Variants in TMTC2 observed in about 807,000 individuals in gnomAD.
TMTC2 encodes transmembrane O-mannosyltransferase targeting cadherins 2, also known as protein O-mannosyl-transferase TMTC2.
Under a neutral mutation model 82.4 loss-of-function variants are expected in TMTC2, and 43 were observed. The ratio of observed to expected loss-of-function variants is 0.52; its 90% CI spans 0.41 to 0.67. The LOEUF is 0.67. Among genes scored for constraint, TMTC2 ranks in the 30% least tolerant of loss-of-function variants. TMTC2 has a pLI of 0.00. For synonymous variants in TMTC2, 408 were observed against 381.9 expected (o/e 1.07, Z -0.80); for missense variants, 919 against 1,012.4 (o/e 0.91, Z 1.25).
At chr12:83,081,885 A>C (rs554254284) in intron 11 of TMTC2, among the ~76,000 whole-genome samples, 1 of 152,262 alleles carries the variant, frequency 6.6e-6, no homozygotes, top group East Asian at 1.9e-4. Context: ...CAAAAAATAA[A>C]AAAAATAGCC....
chr12:82,719,059 T>TTTTATATATATATATATATATA (rs1874040088), intron 1 of TMTC2, among the ~76,000 whole-genome samples: 2 of 94,466 alleles, frequency 2.1e-5, no homozygotes, highest in East Asian at 3.5e-4. Flanking sequence ...TTAGATGATT[T>TTTTATATATATATATATATATA]TATATATATA....
Position 82,993,974 on chromosome 12 carries a change from G to A in TMTC2, c.2070+7928G>A, listed in dbSNP as rs374339659. ...TAGGCTGAATGCTTGCAGACAGGATGCTTGGGTCCAGGGGGTGCTGTGAGC... is the reference window on the plus strand; with the variant it reads ...TAGGCTGAATGCTTGCAGACAGGATACTTGGGTCCAGGGGGTGCTGTGAGC... On this transcript the variant is annotated intron_variant, in intron 8 of 11. Coordinates refer to ENST00000321196, the MANE Select transcript of TMTC2 (RefSeq NM_152588.3). 8.5e-5 allele frequency among the ~76,000 whole-genome samples: 13 copies of A among 152,212 alleles called. No homozygotes were observed. In the East Asian group the frequency reaches 1.9e-3, roughly 23 times the overall value.
At position 82,965,131 on chromosome 12, in the gene TMTC2, AT is replaced by A. The variant is rs561223773; in HGVS notation, c.1684+29del. On this transcript the variant is annotated intron_variant, in intron 5 of 11. Coordinates refer to ENST00000321196, the MANE Select transcript of TMTC2 (RefSeq NM_152588.3). The stretch of plus-strand genomic sequence containing the variant: ...GCTTGTAAGTAATACTCAAGTGTTT[AT>A]TTTTTTATACCTCTTTCCATATTTG... 5.4e-4 allele frequency: 827 copies of A among 1,528,146 alleles called. 3 individuals carry two copies. Among genetic ancestry groups the A allele is most frequent in the Non-Finnish European group, 6.4e-4 (706 of 1,111,716 alleles). The allele number at this position is 1,528,146 out of a possible 1,614,324, so 94.7% of individuals were successfully genotyped here. A position where few individuals can be genotyped will look rare whatever the true frequency, so the allele number is the denominator to read the frequency against.
intron 11 of TMTC2, among the ~76,000 whole-genome samples, chr12:83,112,713 C>T (rs560495005): frequency 6.6e-6 from 1 of 152,290 alleles, no homozygotes; most frequent in Admixed American, 6.5e-5. Context: ...AAGATGTCCC[C>T]TTGTACTTCT....
intron 7 of TMTC2, among the ~76,000 whole-genome samples, chr12:82,980,265 A>G (rs1005989646): frequency 6.6e-6 from 1 of 151,878 alleles, no homozygotes. Context: ...AAGGGAACTT[A>G]TCATAGCAAA....
intron 1 of TMTC2, among the ~76,000 whole-genome samples, chr12:82,696,958 A>T (rs1380586899): frequency 1.3e-5 from 2 of 148,652 alleles, no homozygotes; most frequent in Non-Finnish European, 3.0e-5. Context: ...CTACATACAT[A>T]CATACGTATA....
intron 2 of TMTC2, among the ~76,000 whole-genome samples, chr12:82,886,714 T>A (rs1873118771): frequency 6.6e-6 from 1 of 152,206 alleles, no homozygotes; most frequent in Admixed American, 6.5e-5. Flanking sequence ...TTTCTAATCT[T>A]ACAGACAGGA....
chr12:82,706,851 G>T (rs115271804), intron 1 of TMTC2, among the ~76,000 whole-genome samples: 1 of 152,070 alleles, frequency 6.6e-6, no homozygotes, highest in East Asian at 1.9e-4. Context: ...ATGGAAAGAC[G>T]TGCCTACTTT....
intron 1 of TMTC2, among the ~76,000 whole-genome samples, chr12:82,723,982 T>A (rs1388957364): frequency 2.0e-5 from 3 of 152,210 alleles, no homozygotes; most frequent in Non-Finnish European, 2.9e-5. Context: ...GATAAACCAC[T>A]TAATTTTTCT....
chr12:82,695,460 C>A (rs1252243321), intron 1 of TMTC2, among the ~76,000 whole-genome samples: 1 of 152,140 alleles, frequency 6.6e-6, no homozygotes, highest in Non-Finnish European at 1.5e-5. Flanking sequence ...TTATTGAGTT[C>A]TATTGTAAAC....
intron 4 of TMTC2, among the ~76,000 whole-genome samples, chr12:82,944,649 G>A (rs918881488): frequency 6.6e-6 from 1 of 151,978 alleles, no homozygotes; most frequent in Non-Finnish European, 1.5e-5. Flanking sequence ...ACTAAGTTGT[G>A]TGATGTCATT....
chr12:82,747,271 A>C (rs1434178832), intron 1 of TMTC2, among the ~76,000 whole-genome samples: 1 of 152,254 alleles, frequency 6.6e-6, no homozygotes, highest in Non-Finnish European at 1.5e-5. Context: ...AGATAATATT[A>C]ACAGGATTTT....
intron 1 of TMTC2, among the ~76,000 whole-genome samples, chr12:82,819,497 C>CTTTTTTTTTTTTTTTTTTT (rs766912583): frequency 1.7e-5 from 2 of 118,286 alleles, no homozygotes; most frequent in Non-Finnish European, 3.4e-5. Flanking sequence ...TTCTCTCTTT[C>CTTTTTTTTTTTTTTTTTTT]TTTTTTTTTT....
intron 11 of TMTC2, among the ~76,000 whole-genome samples, chr12:83,100,013 A>G (rs1884162258): frequency 6.6e-6 from 1 of 151,432 alleles, no homozygotes; most frequent in African/African-American, 2.4e-5. Flanking sequence ...TCCACCTCCC[A>G]GGTTCAAGTG....
intron 2 of TMTC2, among the ~76,000 whole-genome samples, chr12:82,869,681 A>C (rs1872064064): frequency 6.6e-6 from 1 of 152,040 alleles, no homozygotes; most frequent in African/African-American, 2.4e-5. Flanking sequence ...TTTACAATAA[A>C]TACAAAAATT....
intron 4 of TMTC2, among the ~76,000 whole-genome samples, chr12:82,952,815 C>G (rs375492444): frequency 1.3e-5 from 2 of 152,122 alleles, no homozygotes; most frequent in South Asian, 4.1e-4. Flanking sequence ...TCAGGTGATC[C>G]ACCCACCTCG....
intron 1 of TMTC2, among the ~76,000 whole-genome samples, chr12:82,765,720 AAAAC>A (rs1220204822): frequency 2.0e-5 from 3 of 152,006 alleles, no homozygotes; most frequent in East Asian, 3.8e-4. Context: ...CAAACAAAAA[AAAAC>A]AAAGAAAAAA....
intron 1 of TMTC2, among the ~76,000 whole-genome samples, chr12:82,701,904 C>T (rs532302348): frequency 6.6e-6 from 1 of 151,708 alleles, no homozygotes; most frequent in Non-Finnish European, 1.5e-5. Flanking sequence ...TCCTCTTCAC[C>T]CCCATTTCCT....
At chr12:82,795,175 C>G (rs931268995) in intron 1 of TMTC2, among the ~76,000 whole-genome samples, 3 of 151,758 alleles carry the variant, frequency 2.0e-5, no homozygotes, top group African/African-American at 7.2e-5. Flanking sequence ...CTTGGTGGCA[C>G]GTGTCTGTAA....
Sources: gnomAD v4.1 joint callset for allele counts (sites outside exome capture counted in the v4.1 genomes callset) on GRCh38, gnomAD v4.1.1 for gene constraint, MANE v1.5 for transcripts, NCBI Gene and HGNC (gene_info 2026-07-23, HGNC 2026-07-21) for gene names.